Variants in EIF4G3 observed in about 807,000 individuals in gnomAD.
EIF4G3 encodes eukaryotic translation initiation factor 4 gamma 3, also known as eIF-4-gamma 3.
Under a neutral mutation model 186.4 loss-of-function variants are expected in EIF4G3, and 34 were observed. The ratio of observed to expected loss-of-function variants is 0.18; its 90% CI spans 0.14 to 0.24. EIF4G3 has a LOEUF of 0.24. EIF4G3 is among the 10% of genes least tolerant of loss of function. The probability of loss-of-function intolerance (pLI) is 1.00; values close to 1 mark genes in which losing one functional copy is unlikely to be tolerated. For missense variants in EIF4G3, 1,536 were observed against 1,948.5 expected, an observed-to-expected ratio of 0.79 and a Z score of 3.99; for synonymous variants, 673 against 679.5, an observed-to-expected ratio of 0.99 and a Z score of 0.15.
At chr1:20,894,305 G>C (rs2154555886) in intron 17 of EIF4G3, among the ~76,000 whole-genome samples, 1 of 152,290 alleles carries the variant, frequency 6.6e-6, no homozygotes, top group East Asian at 1.9e-4. Flanking sequence ...TATTTTCTAA[G>C]AGGATAATTG....
rs750256201 is a variant in EIF4G3 at position 20,817,422 on chromosome 1, C to T, written c.4485G>A (p.Ala1495=). The part of the protein sequence containing the change: ...RLEKLIIEDK[A]NDEQIFDWVE... ...CCCAGTCAAAGATCTGTTCATCATT[C>T]GCTTTGTCCTCAATAATGAGTTTCT... Residue 1495 remains alanine, a synonymous_variant, in exon 34 of 37, where the codon GCG becomes GCA. Coordinates refer to ENST00000602326, the MANE Select transcript of EIF4G3 (RefSeq NM_001391906.1). 24 of 1,603,564 alleles carry T rather than the reference C, an allele frequency of 1.5e-5. No homozygotes were observed. The highest frequency in any genetic ancestry group is 6.7e-5 in the South Asian group (6 of 89,160).
intron 2 of EIF4G3, among the ~76,000 whole-genome samples, chr1:21,157,098 T>TATCCAAAGGTTCTCC (rs1553311474): frequency 2.6e-5 from 4 of 152,176 alleles, no homozygotes; most frequent in African/African-American, 4.8e-5. Context: ...TACAGTTAGA[T>TATCCAAAGGTTCTCC]ATCCAAAGGT....
chr1:20,972,796 G>T (rs976565284), intron 11 of EIF4G3, among the ~76,000 whole-genome samples: 4 of 151,838 alleles, frequency 2.6e-5, no homozygotes, highest in Middle Eastern at 3.2e-3. Flanking sequence ...AATAATTAAA[G>T]ATGATATTAT....
At chr1:21,020,532 C>A (rs1481948786) in intron 4 of EIF4G3, among the ~76,000 whole-genome samples, 1 of 151,956 alleles carries the variant, frequency 6.6e-6, no homozygotes, top group Non-Finnish European at 1.5e-5. Flanking sequence ...AGAAGAATAC[C>A]ATTTATCTGT....
At chr1:20,949,846 A>G (rs753577266) in intron 13 of EIF4G3, among the ~76,000 whole-genome samples, 157 bp downstream of exon 13, 1 of 152,184 alleles carries the variant, frequency 6.6e-6, no homozygotes, top group Non-Finnish European at 1.5e-5. Context: ...AGTTTCCTAG[A>G]GGCAGAATAC....
rs183573210 is a variant in EIF4G3, at chr1:20,945,727, C to T, written c.824-3397G>A. On this transcript the variant is annotated intron_variant, in intron 13 of 36. Coordinates refer to ENST00000602326, the MANE Select transcript of EIF4G3 (RefSeq NM_001391906.1). Reference sequence around the variant, plus strand: ...CAATCCTCCTGCCTCGTAAGCAATCCTCCTGCCTCGTCCTCCCAAAGTGCT... The same window carrying T: ...CAATCCTCCTGCCTCGTAAGCAATCTTCCTGCCTCGTCCTCCCAAAGTGCT... Among the ~76,000 whole-genome samples, 7 of 152,276 alleles carry T rather than the reference C, an allele frequency of 4.6e-5. No homozygotes were observed. In the East Asian group the frequency reaches 1.4e-3, roughly 29 times the overall value.
In EIF4G3 at chr1:21,122,842, G is replaced by A. The variant is rs77569513; in HGVS notation, c.-271-33629C>T. On this transcript the variant is annotated intron_variant, in intron 2 of 36. Transcript: ENST00000602326. ...ATGATGTGTAATTGCACTTATACTA[G>A]TAATAATGCTGTTTCAAGCTATACA... is the stretch of plus-strand genomic sequence containing the variant. 6.3e-3 allele frequency among the ~76,000 whole-genome samples: 955 copies of A among 152,288 alleles called. 4 individuals are homozygous for A. The highest frequency in any genetic ancestry group is 9.9e-3 in the Non-Finnish European group (675 of 68,032).
intron 12 of EIF4G3, among the ~76,000 whole-genome samples, chr1:20,968,901 G>A (rs749012891): frequency 6.6e-6 from 1 of 152,066 alleles, no homozygotes; most frequent in Admixed American, 6.6e-5. Flanking sequence ...ACTGTGGAGG[G>A]GGCATCTTTG....
chr1:21,113,310 G>T (rs887438670), intron 2 of EIF4G3, among the ~76,000 whole-genome samples: 1 of 151,788 alleles, frequency 6.6e-6, no homozygotes, highest in African/African-American at 2.4e-5. Flanking sequence ...TAGGCTGAAT[G>T]ATTTTTTTTT....
chr1:21,038,958 T>C (rs1301901104), intron 4 of EIF4G3, among the ~76,000 whole-genome samples: 1 of 152,098 alleles, frequency 6.6e-6, no homozygotes, highest in Non-Finnish European at 1.5e-5. Flanking sequence ...ATTCTAAAAT[T>C]CATATGGAAT....
chr1:20,921,400 G>C (rs896281768), intron 14 of EIF4G3, among the ~76,000 whole-genome samples: 7 of 152,188 alleles, frequency 4.6e-5, no homozygotes, highest in Non-Finnish European at 1.0e-4. Context: ...TCTGAATGCA[G>C]TGTTGAAGCG....
At chr1:21,168,367 G>A (rs918227626) in intron 2 of EIF4G3, among the ~76,000 whole-genome samples, 3 of 151,976 alleles carry the variant, frequency 2.0e-5, no homozygotes, top group African/African-American at 7.3e-5. Context: ...TCGTGCCACT[G>A]CACTCCAGCC....
rs1305727193 is a variant in EIF4G3, at chr1:20,813,194, C to A, written c.4561G>T (p.Ala1521Ser). ...GCTTTACAAACAGCAGTCATTAAAG[C>A]TCTAAGGAATGTAGGTGAACTCATC... ...IQMSSPTFLRALMTAVCKAAI... is the reference protein window; with the variant it reads ...IQMSSPTFLRSLMTAVCKAAI... The change falls in exon 35 of 37, where the codon GCT becomes TCT. Residue 1521 changes from alanine to serine, a missense_variant. This residue lies in a region of EIF4G3 where 395 missense variants were observed against 498.9 expected (regional missense o/e 0.79). Coordinates refer to ENST00000602326, the MANE Select transcript of EIF4G3 (RefSeq NM_001391906.1). The A allele has an allele frequency of 6.2e-7, 1 of 1,613,788 alleles. No individual in the cohort carries two copies. Among genetic ancestry groups the A allele is most frequent in the Non-Finnish European group, 8.5e-7 (1 of 1,179,832 alleles).
chr1:20,900,096 T>C (rs1202701296), intron 15 of EIF4G3, among the ~76,000 whole-genome samples, 153 bp from the exon 16 acceptor site: 1 of 151,956 alleles, frequency 6.6e-6, no homozygotes, highest in African/African-American at 2.4e-5. Context: ...ATGCTGAGTT[T>C]AAAAAAAATA....
At chr1:20,995,544 G>A (rs1394456390) in intron 7 of EIF4G3, among the ~76,000 whole-genome samples, 1 of 152,012 alleles carries the variant, frequency 6.6e-6, no homozygotes, top group Non-Finnish European at 1.5e-5. Flanking sequence ...GCTACTTTTT[G>A]CATTTTTAGT....
chr1:20,981,672 CT>C (rs2078232291), intron 8 of EIF4G3, among the ~76,000 whole-genome samples: 1 of 129,380 alleles, frequency 7.7e-6, no homozygotes, highest in Non-Finnish European at 1.7e-5. Flanking sequence ...TACGCACATA[CT>C]GTATGTATAC....
intron 6 of EIF4G3, among the ~76,000 whole-genome samples, chr1:21,000,937 G>A (rs1054847219): frequency 2.0e-5 from 3 of 152,178 alleles, no homozygotes; most frequent in African/African-American, 4.8e-5. Context: ...TTATCTGAAA[G>A]GGATATCTCA....
rs1444879824 is a variant in EIF4G3 at position 20,904,932 on chromosome 1, G to A, written c.1703C>T (p.Pro568Leu). 6.2e-7 allele frequency: 1 copy of A among 1,613,868 alleles called. No individual in the cohort carries two copies. Among genetic ancestry groups the A allele is most frequent in the Non-Finnish European group, 8.5e-7 (1 of 1,179,938 alleles). Residue 568 changes from proline to leucine, a missense_variant, in exon 15 of 37, where the codon CCA (proline) becomes CTA (leucine). Pro to Leu is a moderately conservative substitution (Grantham distance 98). Transcript: ENST00000602326. ...TTCAGTGGTTCGGGTCCGATCTTTT[G>A]GTTTCTTCCATGTCTTTGGTACAGT... ...AITVPKTWKK[P>L]KDRTRTTEEM...
chr1:20,950,712 C>G (rs1573392367), intron 12 of EIF4G3, among the ~76,000 whole-genome samples: 4 of 152,188 alleles, frequency 2.6e-5, no homozygotes, highest in East Asian at 3.9e-4. Context: ...TTTTCAGAAT[C>G]AGAAATCTTG....
Sources: allele counts gnomAD v4.1 joint callset (sites outside exome capture counted in the v4.1 genomes callset), GRCh38; gene constraint gnomAD v4.1.1; regional missense constraint gnomAD v4.1.1; transcripts MANE v1.5; gene names NCBI Gene and HGNC (gene_info 2026-07-23, HGNC 2026-07-21).